Variants in CTSS observed in about 807,000 individuals in gnomAD.
CTSS encodes the protein cathepsin S.
Under a neutral mutation model 39.9 loss-of-function variants are expected in CTSS, and 15 were observed. The observed-to-expected ratio is 0.38, with a 90% CI of 0.25 to 0.58. The LOEUF (loss-of-function observed/expected upper bound fraction) is 0.58, where lower values mean the gene tolerates loss of function less well. Ranked by LOEUF, CTSS falls within the 20% of genes least tolerant of loss-of-function variation. The pLI is 0.70. For missense variants in CTSS, 250 were observed against 398.2 expected, an observed-to-expected ratio of 0.63 and a Z score of 3.17; for synonymous variants, 126 against 138.2, an observed-to-expected ratio of 0.91 and a Z score of 0.62.
intron 1 of CTSS, among the ~76,000 whole-genome samples, chr1:150,765,140 C>T (rs912008906): frequency 1.3e-5 from 2 of 151,754 alleles, no homozygotes; most frequent in Non-Finnish European, 2.9e-5. Context: ...AGACAAACCT[C>T]TGAAAAATCA....
chr1:150,758,634 G>A (rs1383780396), intron 2 of CTSS, among the ~76,000 whole-genome samples: 1 of 151,690 alleles, frequency 6.6e-6, no homozygotes. Flanking sequence ...TTGACCTCCT[G>A]GGACCCAGCA....
At position 150,764,618 on chromosome 1, in the gene CTSS, C is replaced by A. The variant is rs773745475; in HGVS notation, c.126+20G>T. The A allele has an allele frequency of 6.2e-7, 1 of 1,613,532 alleles. No individual in the cohort carries two copies. Among genetic ancestry groups the A allele is most frequent in the African/African-American group, 1.3e-5 (1 of 74,892 alleles). Reference sequence around the variant, plus strand: ...AGTACTCCTTTAAAAGCATATCGCTCGAGTGGCAATCCAATCTACCTTTTC... The same window carrying A: ...AGTACTCCTTTAAAAGCATATCGCTAGAGTGGCAATCCAATCTACCTTTTC... On this transcript the variant is annotated intron_variant, in intron 2 of 7. Transcript: ENST00000368985.
intron 2 of CTSS, among the ~76,000 whole-genome samples, chr1:150,761,599 C>T (rs962844599): frequency 6.6e-6 from 1 of 152,138 alleles, no homozygotes; most frequent in South Asian, 2.1e-4. Context: ...GGCGTGGTGG[C>T]ACATGCCTGT....
intron 1 of CTSS, among the ~76,000 whole-genome samples, chr1:150,765,366 A>G (rs1035813010): frequency 5.9e-5 from 9 of 151,944 alleles, no homozygotes; most frequent in African/African-American, 2.2e-4. Context: ...TCTGTATTTA[A>G]TTCAAGAGAC....
chr1:150,738,812 CACTA>C (rs587662598), intron 7 of CTSS, among the ~76,000 whole-genome samples: 38 of 152,194 alleles, frequency 2.5e-4, no homozygotes, highest in Non-Finnish European at 4.9e-4. Flanking sequence ...CTGACTGCTC[CACTA>C]ACTGACACTT....
intron 7 of CTSS, among the ~76,000 whole-genome samples, chr1:150,745,947 A>G (rs2101916129): frequency 6.6e-6 from 1 of 152,300 alleles, no homozygotes; most frequent in South Asian, 2.1e-4. Flanking sequence ...TAACACATCC[A>G]TCTCCACCCG....
intron 7 of CTSS, among the ~76,000 whole-genome samples, chr1:150,742,297 T>C (rs770763567): frequency 4.6e-5 from 7 of 151,616 alleles, no homozygotes; most frequent in Non-Finnish European, 7.4e-5. Flanking sequence ...CCCATCAAAC[T>C]GTATAAGAAT....
chr1:150,742,184 A>G, intron 7 of CTSS, among the ~76,000 whole-genome samples: 1 of 59,200 alleles, frequency 1.7e-5, no homozygotes, highest in Non-Finnish European at 5.9e-5. Context: ...TTGAACCTTA[A>G]AGGCAGAGGT....
At chr1:150,734,572 C>T (rs1353409798) in intron 7 of CTSS, among the ~76,000 whole-genome samples, 1 of 151,884 alleles carries the variant, frequency 6.6e-6, no homozygotes, top group Non-Finnish European at 1.5e-5. Context: ...ACCTGGGAGG[C>T]AAGGCAGAGG....
chr1:150,751,493 C>A lies in CTSS; in HGVS notation c.627+288G>T, dbSNP rs587622389. 5.9e-5 allele frequency among the ~76,000 whole-genome samples: 9 copies of A among 152,234 alleles called. No individual in the cohort carries two copies. In the South Asian group the frequency reaches 1.7e-3, roughly 28 times the overall value. On this transcript the variant is annotated intron_variant, in intron 5 of 7. Transcript: ENST00000368985. ...AAACTCCTGACCTCAGGTGATCCAC[C>A]CACCTCGGCCTTCCAAAGTGCTGAG...
chr1:150,749,997 A>AT lies in CTSS; in HGVS notation c.793+8dup, dbSNP rs1652976974. ...TTAAATTCTAATTATTGTTTATTTT[A>AT]TTTTTTACCACTTCTGTAGAGGAAG... is the stretch of plus-strand genomic sequence containing the variant. On this transcript the variant is annotated intron_variant, in intron 6 of 7. Coordinates refer to ENST00000368985, the MANE Select transcript of CTSS (RefSeq NM_004079.5). 1.9e-6 allele frequency: 3 copies of AT among 1,583,906 alleles called. No individual in the cohort carries two copies. Among genetic ancestry groups the AT allele is most frequent in the Non-Finnish European group, 2.6e-6 (3 of 1,161,562 alleles).
At chr1:150,733,911 G>A (rs587764901) in intron 7 of CTSS, among the ~76,000 whole-genome samples, 4 of 152,244 alleles carry the variant, frequency 2.6e-5, no homozygotes, top group South Asian at 4.2e-4. Context: ...ATCATGGGTC[G>A]GATTAGGGTT....
intron 4 of CTSS, among the ~76,000 whole-genome samples, chr1:150,752,684 C>T (rs1653030896): frequency 6.6e-6 from 1 of 152,182 alleles, no homozygotes; most frequent in Middle Eastern, 3.4e-3. Context: ...AATGCAAGCA[C>T]CCAGAGAAAG....
intron 7 of CTSS, among the ~76,000 whole-genome samples, chr1:150,737,517 T>C (rs1275168482): frequency 6.6e-6 from 1 of 152,160 alleles, no homozygotes; most frequent in African/African-American, 2.4e-5. Context: ...GAAAGCCTCG[T>C]AGCCCTTAGC....
rs587658447 is a variant in CTSS, at chr1:150,753,116, A to G, written c.400-1108T>C. ...GCGATCCTTCTGCCTCTGCCTCCCA[A>G]AGTGCTGGAATCACAGATGTGAGCC... On this transcript the variant is annotated intron_variant, in intron 4 of 7. Transcript: ENST00000368985. 3.9e-5 allele frequency among the ~76,000 whole-genome samples: 6 copies of G among 152,212 alleles called. No homozygotes were observed. In the East Asian group the frequency reaches 7.7e-4, roughly 20 times the overall value.
chr1:150,733,628 T>C (rs1652571847), intron 7 of CTSS, among the ~76,000 whole-genome samples: 2 of 152,146 alleles, frequency 1.3e-5, no homozygotes, highest in Non-Finnish European at 2.9e-5. Flanking sequence ...CTGAAAGAGC[T>C]TTTTGATCTA....
At chr1:150,763,573 T>C (rs1389942780) in intron 2 of CTSS, among the ~76,000 whole-genome samples, 1 of 152,106 alleles carries the variant, frequency 6.6e-6, no homozygotes, top group East Asian at 1.9e-4. Context: ...ACACAATTAT[T>C]ATTTAATTAT....
intron 6 of CTSS, among the ~76,000 whole-genome samples, chr1:150,748,444 C>A (rs1652937850): frequency 6.6e-6 from 1 of 152,104 alleles, no homozygotes; most frequent in South Asian, 2.1e-4. Flanking sequence ...AGCACACCAC[C>A]TTTTTCTAAG....
chr1:150,745,584 C>A (rs1445134040), intron 7 of CTSS, among the ~76,000 whole-genome samples: 2 of 152,040 alleles, frequency 1.3e-5, no homozygotes, highest in Non-Finnish European at 2.9e-5. Context: ...ATTGCTTGAG[C>A]CCAGGAGTTT....
Sources: allele counts gnomAD v4.1 joint callset (sites outside exome capture counted in the v4.1 genomes callset), GRCh38; gene constraint gnomAD v4.1.1; transcripts MANE v1.5; gene names NCBI Gene and HGNC (gene_info 2026-07-23, HGNC 2026-07-21).